LY86: variants seen among roughly 807,000 people sequenced by gnomAD.
LY86 encodes MD-1, RP105-associated.
LY86 carries 20 observed loss-of-function variants against 17.3 expected under a neutral mutation model. The ratio of observed to expected loss-of-function variants is 1.15; its 90% CI spans 0.81 to 1.68. The LOEUF (loss-of-function observed/expected upper bound fraction) is 1.68. Ranked by LOEUF, LY86 falls within the 40% of genes most tolerant of loss-of-function variation. LY86 has a pLI of 0.00. For missense variants in LY86, 200 were observed against 191.9 expected (o/e 1.04, Z -0.25); for synonymous variants, 74 against 70.6 (o/e 1.05, Z -0.24).
intron 1 of LY86, among the ~76,000 whole-genome samples, chr6:6,612,244 T>C (rs944940713): frequency 2.2e-4 from 34 of 152,074 alleles, no homozygotes; most frequent in African/African-American, 7.7e-4. Flanking sequence ...GTGTCCAGAG[T>C]TTATTCCTTC....
At chr6:6,602,459 A>G (rs1407330546) in intron 1 of LY86, among the ~76,000 whole-genome samples, 2 of 152,248 alleles carry the variant, frequency 1.3e-5, no homozygotes, top group Non-Finnish European at 2.9e-5. Flanking sequence ...AGTACAGTAT[A>G]CATAGTCCAT....
chr6:6,643,570 T>C (rs1027026239), intron 3 of LY86, among the ~76,000 whole-genome samples: 4 of 152,254 alleles, frequency 2.6e-5, no homozygotes, highest in Non-Finnish European at 5.9e-5. Context: ...GAGTAAGTTC[T>C]GGAGACCTAA....
intron 1 of LY86, among the ~76,000 whole-genome samples, chr6:6,603,632 A>AACACACACACACACAC (rs540840468): frequency 8.9e-4 from 121 of 135,862 alleles, no homozygotes; most frequent in African/African-American, 3.1e-3. Context: ...AAAAAAACAA[A>AACACACACACACACAC]ACACACACAC....
At chr6:6,645,928 C>A (rs1762100477) in intron 3 of LY86, among the ~76,000 whole-genome samples, 1 of 152,130 alleles carries the variant, frequency 6.6e-6, no homozygotes, top group Non-Finnish European at 1.5e-5. Context: ...AGTTCTGCTT[C>A]TCTTGCCAGA....
At chr6:6,596,583 G>A (rs1049640980) in intron 1 of LY86, among the ~76,000 whole-genome samples, 2 of 152,172 alleles carry the variant, frequency 1.3e-5, no homozygotes, top group African/African-American at 4.8e-5. Flanking sequence ...GATGACTCTG[G>A]GCGCGCAGGA....
chr6:6,612,239 C>T (rs768321959), intron 1 of LY86, among the ~76,000 whole-genome samples: 1 of 152,116 alleles, frequency 6.6e-6, no homozygotes, highest in Admixed American at 6.6e-5. Flanking sequence ...AGGGCGTGTC[C>T]AGAGTTTATT....
chr6:6,641,656 C>T (rs1762041569), intron 3 of LY86, among the ~76,000 whole-genome samples: 1 of 152,240 alleles, frequency 6.6e-6, no homozygotes, highest in African/African-American at 2.4e-5. Context: ...GGTTCCATCA[C>T]AAGAAACAGG....
intron 1 of LY86, 100 bp downstream of exon 1, chr6:6,588,970 G>A: frequency 7.0e-7 from 1 of 1,419,646 alleles, no homozygotes; most frequent in East Asian, 2.4e-5. Context: ...GAGGGGAGAG[G>A]GGACCAGCAG....
rs146358485 is a variant in LY86, at chr6:6,589,601, G to T, written c.136+731G>T. On this transcript the variant is annotated intron_variant, in intron 1 of 4. Transcript: ENST00000230568. ...GGGCTGCCATAACAAACCACCACAG[G>T]CTGGGGACTTAAATAACAGATTTAT... is the stretch of plus-strand genomic sequence containing the variant. Among the ~76,000 whole-genome samples the T allele has an allele frequency of 2.3e-3, 353 of 152,290 alleles. 2 individuals carry two copies. The highest frequency in any genetic ancestry group is 2.6e-3 in the Non-Finnish European group (177 of 68,034).
intron 3 of LY86, among the ~76,000 whole-genome samples, chr6:6,647,401 C>CT (rs1010174538): frequency 7.9e-5 from 12 of 151,782 alleles, no homozygotes; most frequent in African/African-American, 1.7e-4. Context: ...CTTCAGTTAT[C>CT]TTTTTTTTTC....
intron 1 of LY86, among the ~76,000 whole-genome samples, chr6:6,614,808 G>C (rs560692097): frequency 5.9e-5 from 9 of 151,810 alleles, no homozygotes; most frequent in Non-Finnish European, 1.0e-4. Context: ...TGCCTTTCTT[G>C]AAAGAATTCT....
intron 1 of LY86, among the ~76,000 whole-genome samples, chr6:6,601,236 T>C (rs1760897163): frequency 6.6e-6 from 1 of 152,174 alleles, no homozygotes; most frequent in African/African-American, 2.4e-5. Flanking sequence ...CTTCAGCATT[T>C]GGGAGAAGCA....
At chr6:6,609,964 C>T (rs939927420) in intron 1 of LY86, among the ~76,000 whole-genome samples, 18 of 152,148 alleles carry the variant, frequency 1.2e-4, no homozygotes, top group African/African-American at 4.3e-4. Context: ...GTGCTGGCCT[C>T]TATTTTTGTA....
chr6:6,639,444 TGAC>T (rs1561791671), intron 3 of LY86, among the ~76,000 whole-genome samples: 1 of 152,232 alleles, frequency 6.6e-6, no homozygotes, highest in African/African-American at 2.4e-5. Flanking sequence ...ACGTAGCCAT[TGAC>T]AACACCATCA....
intron 3 of LY86, among the ~76,000 whole-genome samples, chr6:6,626,825 CG>C (rs1019100557): frequency 7.1e-6 from 1 of 140,842 alleles, no homozygotes; most frequent in African/African-American, 2.9e-5. Context: ...ACTTCAAAAA[CG>C]AAAAAAAAAA....
chr6:6,603,603 C>CAACAAAAAAAAAAAAAAA (rs1207511602), intron 1 of LY86, among the ~76,000 whole-genome samples: 3 of 70,464 alleles, frequency 4.3e-5, no homozygotes, highest in Non-Finnish European at 9.6e-5. Flanking sequence ...AAAACAGAAA[C>CAACAAAAAAAAAAAAAAA]AGAAAAAAAA....
At chr6:6,626,548 TC>T in intron 3 of LY86, 127 bp downstream of exon 3, 1 of 988,032 alleles carries the variant, frequency 1.0e-6, no homozygotes, top group Non-Finnish European at 1.5e-6. Flanking sequence ...GAGCTTATCC[TC>T]ACTTATCAGC....
intron 3 of LY86, among the ~76,000 whole-genome samples, chr6:6,634,064 G>A (rs1205841257): frequency 2.6e-5 from 4 of 152,122 alleles, no homozygotes; most frequent in Non-Finnish European, 4.4e-5. Flanking sequence ...TCCGAGAGAG[G>A]TGCAGAAGAT....
At chr6:6,647,759 C>A (rs1045107008) in intron 3 of LY86, among the ~76,000 whole-genome samples, 1 of 152,196 alleles carries the variant, frequency 6.6e-6, no homozygotes, top group Non-Finnish European at 1.5e-5. Flanking sequence ...CTCAGGAGGT[C>A]CTGTCCTCTC....
Sources: allele counts gnomAD v4.1 joint callset (sites outside exome capture counted in the v4.1 genomes callset), GRCh38; gene constraint gnomAD v4.1.1; transcripts MANE v1.5; gene names NCBI Gene and HGNC (gene_info 2026-07-23, HGNC 2026-07-21).